AOPEP: variants seen among roughly 807,000 people sequenced by gnomAD.
AOPEP encodes the protein aminopeptidase O.
Under a neutral mutation model 98.1 loss-of-function variants are expected in AOPEP, and 77 were observed. The observed-to-expected ratio is 0.78, with a 90% CI of 0.65 to 0.95. The LOEUF is 0.95. AOPEP is among the 40% of genes least tolerant of loss of function. The pLI is 0.00. For synonymous variants in AOPEP, 346 were observed against 365.3 expected (o/e 0.95, Z 0.60); for missense variants, 1,024 against 1,024.7 (o/e 1.00, Z 0.01).
At chr9:94,754,997 C>T (rs1301319836) in intron 1 of AOPEP, among the ~76,000 whole-genome samples, 1 of 152,208 alleles carries the variant, frequency 6.6e-6, no homozygotes, top group Non-Finnish European at 1.5e-5. Flanking sequence ...AAAAATATTA[C>T]TGTACGCTAA....
chr9:94,731,461 C>G (rs960262282), intron 1 of AOPEP, among the ~76,000 whole-genome samples: 1 of 152,100 alleles, frequency 6.6e-6, no homozygotes, highest in Admixed American at 6.5e-5. Flanking sequence ...CTCCTGACCC[C>G]GTGATCCGCC....
intron 1 of AOPEP, among the ~76,000 whole-genome samples, chr9:94,748,735 G>A (rs1296441405): frequency 6.6e-6 from 1 of 152,106 alleles, no homozygotes; most frequent in African/African-American, 2.4e-5. Context: ...TCACACTTTT[G>A]AAGAGTACTG....
intron 13 of AOPEP, among the ~76,000 whole-genome samples, chr9:95,033,034 C>T (rs1217916208): frequency 6.6e-6 from 1 of 152,126 alleles, no homozygotes; most frequent in Non-Finnish European, 1.5e-5. Context: ...GGAAAAAGTG[C>T]AGTTGGAAGC....
At chr9:95,125,358 CCT>C in the AOPEP span, among the ~76,000 whole-genome samples, 4 of 152,172 alleles carry the variant, frequency 2.6e-5, no homozygotes, top group African/African-American at 4.8e-5. Flanking sequence ...TTTGTCGCTC[CCT>C]GTTATATTTT....
At chr9:94,992,148 G>A (rs1179799363) in intron 11 of AOPEP, among the ~76,000 whole-genome samples, 1 of 152,208 alleles carries the variant, frequency 6.6e-6, no homozygotes, top group Non-Finnish European at 1.5e-5. Context: ...CAAAGGTGGT[G>A]GCCAGCCAAC....
chr9:94,834,401 A>G (rs1479190771), intron 5 of AOPEP, among the ~76,000 whole-genome samples: 1 of 152,240 alleles, frequency 6.6e-6, no homozygotes, highest in Non-Finnish European at 1.5e-5. Context: ...TTATGAGCTT[A>G]TCAAGAAGTT....
intron 5 of AOPEP, among the ~76,000 whole-genome samples, chr9:94,805,916 T>C (rs538361394): frequency 3.9e-5 from 6 of 152,350 alleles, no homozygotes; most frequent in Admixed American, 3.3e-4. Context: ...TTTCTAATTA[T>C]GCTCCTTTCT....
intron 5 of AOPEP, among the ~76,000 whole-genome samples, chr9:94,920,063 G>A (rs1312511866): frequency 6.6e-6 from 1 of 152,090 alleles, no homozygotes; most frequent in Admixed American, 6.6e-5. Context: ...TGAGGTGGGC[G>A]GATCACCTGA....
chr9:95,123,437 T>G, the AOPEP span: 1 of 458,654 alleles, frequency 2.2e-6, no homozygotes, highest in Non-Finnish European at 4.4e-6. Flanking sequence ...CCTCAGAGGT[T>G]GAGACCAGCC....
chr9:94,858,746 G>A (rs1303064470), intron 5 of AOPEP, among the ~76,000 whole-genome samples: 1 of 152,014 alleles, frequency 6.6e-6, no homozygotes, highest in African/African-American at 2.4e-5. Context: ...AATGCTATAA[G>A]TGCTTTATAA....
chr9:95,001,958 T>G (rs1039257094), intron 11 of AOPEP, among the ~76,000 whole-genome samples: 3 of 151,442 alleles, frequency 2.0e-5, no homozygotes, highest in Non-Finnish European at 4.4e-5. Flanking sequence ...TTTTTTTTTT[T>G]GTAGAGACAG....
intron 13 of AOPEP, among the ~76,000 whole-genome samples, chr9:95,036,128 A>T (rs1362464138): frequency 6.6e-6 from 1 of 152,128 alleles, no homozygotes; most frequent in Non-Finnish European, 1.5e-5. Context: ...GTCCTGTTTA[A>T]AGGTTCCTTT....
At chr9:94,945,508 A>C (rs1011187091) in intron 7 of AOPEP, among the ~76,000 whole-genome samples, 19 of 152,138 alleles carry the variant, frequency 1.2e-4, no homozygotes, top group Admixed American at 3.3e-4. Context: ...CTGAGAAGAG[A>C]GCTCCTCTGC....
intron 5 of AOPEP, among the ~76,000 whole-genome samples, chr9:94,833,256 T>TTTTTTA (rs2041132954): frequency 6.9e-6 from 1 of 145,302 alleles, no homozygotes; most frequent in African/African-American, 2.6e-5. Flanking sequence ...TTTTTTTTTT[T>TTTTTTA]GAGATGGAGT....
intron 14 of AOPEP, among the ~76,000 whole-genome samples, chr9:95,076,506 A>G (rs559719905): frequency 6.6e-6 from 1 of 152,340 alleles, no homozygotes; most frequent in South Asian, 2.1e-4. Flanking sequence ...TGCAACCATT[A>G]ATACAAGGAA....
rs1307686373 is a variant in AOPEP at position 94,899,346 on chromosome 9, G to T, written c.1365-24640G>T. On this transcript the variant is annotated intron_variant, in intron 5 of 16. Transcript: ENST00000375315. Reference sequence around the variant, plus strand: ...ACTATAGGCGCCCGCCACCACGCCCGGCTATTTTTTTTTTTTTTTTTTAGT... The same window carrying T: ...ACTATAGGCGCCCGCCACCACGCCCTGCTATTTTTTTTTTTTTTTTTTAGT... 2.0e-5 allele frequency among the ~76,000 whole-genome samples: 3 copies of T among 147,632 alleles called. 1 individual carries two copies. In the South Asian group the frequency reaches 6.5e-4, roughly 32 times the overall value.
chr9:94,890,462 T>G (rs2048759773), intron 5 of AOPEP, among the ~76,000 whole-genome samples: 1 of 152,210 alleles, frequency 6.6e-6, no homozygotes, highest in Non-Finnish European at 1.5e-5. Context: ...TATGCCTGGC[T>G]GTATTATTTG....
At chr9:94,960,513 T>C (rs1434675133) in intron 9 of AOPEP, among the ~76,000 whole-genome samples, 2 of 152,210 alleles carry the variant, frequency 1.3e-5, no homozygotes, top group East Asian at 3.8e-4. Flanking sequence ...TATTAAGATT[T>C]ATTTCATTTA....
intron 2 of AOPEP, among the ~76,000 whole-genome samples, chr9:94,762,557 A>G (rs1050732317): frequency 1.8e-4 from 27 of 152,360 alleles, no homozygotes; most frequent in African/African-American, 3.8e-4. Context: ...GTAAATATAT[A>G]TGATCACAGA....
Sources: allele counts gnomAD v4.1 joint callset (sites outside exome capture counted in the v4.1 genomes callset), GRCh38; gene constraint gnomAD v4.1.1; transcripts MANE v1.5; gene names NCBI Gene and HGNC (gene_info 2026-07-23, HGNC 2026-07-21).